The following PRKCA variants were observed in gnomAD, a reference collection of about 807,000 sequenced individuals.
PRKCA encodes the protein protein kinase C alpha type.
Under a neutral mutation model 87.0 loss-of-function variants are expected in PRKCA, and 27 were observed. The observed-to-expected ratio is 0.31, with a 90% CI of 0.23 to 0.43. PRKCA has a LOEUF of 0.43. Ranked by LOEUF, PRKCA falls within the 20% of genes least tolerant of loss-of-function variation. The probability of loss-of-function intolerance (pLI) is 1.00; values close to 1 mark genes in which losing one functional copy is unlikely to be tolerated. For missense variants in PRKCA, 518 were observed against 852.3 expected (o/e 0.61, Z 4.88); for synonymous variants, 329 against 311.1 (o/e 1.06, Z -0.61).
intron 2 of PRKCA, among the ~76,000 whole-genome samples, chr17:66,463,809 G>A (rs558486304): frequency 4.6e-5 from 7 of 152,288 alleles, no homozygotes; most frequent in Admixed American, 2.6e-4. Flanking sequence ...TGCCTGCACA[G>A]CATCCCCACT....
intron 14 of PRKCA, among the ~76,000 whole-genome samples, chr17:66,781,406 C>T (rs1975208218): frequency 6.6e-6 from 1 of 152,106 alleles, no homozygotes; most frequent in East Asian, 1.9e-4. Context: ...GGTGGGTCCC[C>T]GAATGCAACC....
Position 66,656,885 on chromosome 17 carries a change from T to C in PRKCA, c.529+11374T>C, listed in dbSNP as rs150729892. Among the ~76,000 whole-genome samples, 120 of 152,334 alleles carry C rather than the reference T, an allele frequency of 7.9e-4. 1 individual carries two copies. The highest frequency in any genetic ancestry group is 2.8e-3 in the African/African-American group (115 of 41,566). The stretch of plus-strand genomic sequence containing the variant: ...GCTAGAATAGGCAGGTGCTGTCCTA[T>C]GGTCCTTTTCAACACCAAGCTGCTC... On this transcript the variant is annotated intron_variant, in intron 5 of 16. Coordinates refer to ENST00000413366, the MANE Select transcript of PRKCA (RefSeq NM_002737.3).
intron 2 of PRKCA, among the ~76,000 whole-genome samples, chr17:66,396,720 C>T (rs2143662628): frequency 6.7e-6 from 1 of 149,484 alleles, no homozygotes; most frequent in South Asian, 2.1e-4. Context: ...CCTCTGCCTT[C>T]TGGGTTCAAG....
At chr17:66,586,217 A>G (rs546071553) in intron 3 of PRKCA, among the ~76,000 whole-genome samples, 1 of 152,274 alleles carries the variant, frequency 6.6e-6, no homozygotes, top group African/African-American at 2.4e-5. Flanking sequence ...CCTGGAGATC[A>G]CAGCTGAGGA....
At chr17:66,763,445 T>C (rs1433740377) in intron 13 of PRKCA, among the ~76,000 whole-genome samples, 2 of 152,226 alleles carry the variant, frequency 1.3e-5, no homozygotes, top group Non-Finnish European at 2.9e-5. Flanking sequence ...CGTTCAGGCC[T>C]GTCTTCTTTC....
chr17:66,369,135 G>T (rs1025018049), intron 2 of PRKCA, among the ~76,000 whole-genome samples: 2 of 152,200 alleles, frequency 1.3e-5, no homozygotes, highest in Admixed American at 1.3e-4. Context: ...TTATAATTCA[G>T]CTTGTGTTGA....
chr17:66,585,682 G>T (rs115709266), intron 3 of PRKCA, among the ~76,000 whole-genome samples: 21 of 152,330 alleles, frequency 1.4e-4, no homozygotes, highest in African/African-American at 5.1e-4. Flanking sequence ...GTGGGGAGCC[G>T]CGGAGCAGGG....
chr17:66,484,369 G>A (rs1003966834), intron 2 of PRKCA, among the ~76,000 whole-genome samples: 1 of 152,186 alleles, frequency 6.6e-6, no homozygotes, highest in Admixed American at 6.5e-5. Context: ...CCAATTCTGT[G>A]TAGGAGAGAT....
intron 8 of PRKCA, among the ~76,000 whole-genome samples, chr17:66,690,805 G>GCAA (rs1972760828): frequency 7.0e-6 from 1 of 143,290 alleles, no homozygotes; most frequent in Admixed American, 7.1e-5. Flanking sequence ...TCCAGCCTGG[G>GCAA]CAACAGAGCA....
chr17:66,518,337 A>C (rs1967038915), intron 3 of PRKCA, among the ~76,000 whole-genome samples: 3 of 152,138 alleles, frequency 2.0e-5, no homozygotes, highest in Admixed American at 6.5e-5. Context: ...CCACATTCTG[A>C]TGGGAGGTAT....
chr17:66,749,168 G>A (rs926760270), intron 13 of PRKCA, among the ~76,000 whole-genome samples: 5 of 151,784 alleles, frequency 3.3e-5, no homozygotes, highest in African/African-American at 4.8e-5. Context: ...CAGGACGGGC[G>A]GGTATTAGGT....
chr17:66,509,323 C>G (rs148171996), intron 3 of PRKCA, among the ~76,000 whole-genome samples: 5 of 152,056 alleles, frequency 3.3e-5, no homozygotes, highest in African/African-American at 1.2e-4. Context: ...GGGATAGCAC[C>G]AGTCTGATTC....
chr17:66,609,614 G>A (rs1024380759), intron 3 of PRKCA, among the ~76,000 whole-genome samples: 1 of 152,056 alleles, frequency 6.6e-6, no homozygotes, highest in African/African-American at 2.4e-5. Context: ...TTAAAAATGT[G>A]TCAAATTGTC....
intron 2 of PRKCA, among the ~76,000 whole-genome samples, chr17:66,329,476 C>T (rs368927608): frequency 5.3e-5 from 8 of 151,992 alleles, no homozygotes; most frequent in African/African-American, 1.7e-4. Flanking sequence ...GAATGAATGG[C>T]AAGGATTTGA....
chr17:66,678,884 A>C (rs1458947723), intron 5 of PRKCA, among the ~76,000 whole-genome samples: 1 of 152,134 alleles, frequency 6.6e-6, no homozygotes, highest in African/African-American at 2.4e-5. Flanking sequence ...CACCCACTGC[A>C]ATCTTCTTTT....
chr17:66,687,031 C>A, intron 5 of PRKCA, 80 bp from the exon 6 acceptor site: 3 of 1,262,196 alleles, frequency 2.4e-6, no homozygotes, highest in South Asian at 3.0e-5. Flanking sequence ...CTCTTTTATT[C>A]AGCTTGGTAT....
intron 3 of PRKCA, among the ~76,000 whole-genome samples, chr17:66,545,328 C>T (rs1968116312): frequency 6.6e-6 from 1 of 152,136 alleles, no homozygotes; most frequent in South Asian, 2.1e-4. Flanking sequence ...ACTCAGGAGG[C>T]TGAGGTAGGA....
At chr17:66,326,234 T>C (rs1905972706) in intron 2 of PRKCA, among the ~76,000 whole-genome samples, 1 of 152,194 alleles carries the variant, frequency 6.6e-6, no homozygotes, top group African/African-American at 2.4e-5. Context: ...TTTTGTTTTT[T>C]CTCATGACAT....
chr17:66,677,107 T>C (rs1240541770), intron 5 of PRKCA: 1 of 38,296 alleles, frequency 2.6e-5, no homozygotes, highest in Non-Finnish European at 5.7e-5. Flanking sequence ...TGAGACTGAG[T>C]CTCGCTCTGT....
Sources: allele counts gnomAD v4.1 joint callset (sites outside exome capture counted in the v4.1 genomes callset), GRCh38; gene constraint gnomAD v4.1.1; transcripts MANE v1.5; gene names NCBI Gene and HGNC (gene_info 2026-07-23, HGNC 2026-07-21).